RAB2A: variants seen among roughly 807,000 people sequenced by gnomAD.
RAB2A encodes ras-related protein Rab-2A.
A neutral mutation model predicts 32.5 loss-of-function variants in RAB2A; 7 were observed. The ratio of observed to expected loss-of-function variants is 0.22; its 90% CI spans 0.12 to 0.40. The LOEUF (loss-of-function observed/expected upper bound fraction) is 0.40, where lower values mean the gene tolerates loss of function less well. RAB2A is among the 10% of genes least tolerant of loss of function. The pLI, the probability that RAB2A is intolerant of heterozygous loss-of-function variation, is 1.00. For synonymous variants in RAB2A, 79 were observed against 85.2 expected, an observed-to-expected ratio of 0.93 and a Z score of 0.40; for missense variants, 108 against 260.7, an observed-to-expected ratio of 0.41 and a Z score of 4.03.
intron 1 of RAB2A, among the ~76,000 whole-genome samples, chr8:60,550,018 T>C (rs1291734247): frequency 6.6e-6 from 1 of 152,244 alleles, no homozygotes; most frequent in Non-Finnish European, 1.5e-5. Flanking sequence ...CCTCTTTACA[T>C]GTGGCTTATC....
rs903878302 is a variant in RAB2A at position 60,517,081 on chromosome 8, A to ACAG, written c.-119_-117dup. ...CACAGCCCCTCACTCCCGGCGGCTG[A>ACAG]CAGCAGCAGCGGCGGCGGCGGGCGG... On this transcript the variant is annotated 5_prime_UTR_variant, in exon 1 of 8. Coordinates refer to ENST00000262646, the MANE Select transcript of RAB2A (RefSeq NM_002865.3). The ACAG allele has an allele frequency of 1.0e-6, 1 of 998,850 alleles. No homozygotes were observed. The highest frequency in any genetic ancestry group is 1.7e-5 in the African/African-American group (1 of 58,122). The allele number at this position is 998,850 out of a possible 1,614,324, so 61.9% of individuals were successfully genotyped here. A position where few individuals can be genotyped will look rare whatever the true frequency, so the allele number is the denominator to read the frequency against.
At chr8:60,593,397 T>C (rs753904321) in intron 6 of RAB2A, among the ~76,000 whole-genome samples, 4 of 151,894 alleles carry the variant, frequency 2.6e-5, no homozygotes, top group Admixed American at 6.6e-5. Context: ...CCTAGAAAGG[T>C]CAACAGGCAC....
intron 3 of RAB2A, among the ~76,000 whole-genome samples, chr8:60,575,307 C>T (rs981441354): frequency 1.2e-4 from 18 of 151,922 alleles, no homozygotes; most frequent in Admixed American, 2.0e-4. Context: ...GTTATGTTTC[C>T]CAGGCTGGTC....
At chr8:60,581,900 G>T (rs1441094996) in intron 3 of RAB2A, among the ~76,000 whole-genome samples, 2 of 150,502 alleles carry the variant, frequency 1.3e-5, no homozygotes, top group African/African-American at 4.9e-5. Flanking sequence ...TAAAAACAAG[G>T]TATCTTCTAG....
intron 1 of RAB2A, among the ~76,000 whole-genome samples, chr8:60,526,034 T>C (rs1213437282): frequency 8.3e-6 from 1 of 121,080 alleles, no homozygotes; most frequent in Non-Finnish European, 1.7e-5. Flanking sequence ...TATATATATA[T>C]ATATATATAT....
At chr8:60,556,133 CGT>C (rs1284005379) in intron 1 of RAB2A, among the ~76,000 whole-genome samples, 4 of 152,112 alleles carry the variant, frequency 2.6e-5, no homozygotes, top group Non-Finnish European at 4.4e-5. Context: ...TGCATGTTCT[CGT>C]ATCCACAATA....
intron 6 of RAB2A, among the ~76,000 whole-genome samples, chr8:60,593,954 A>G (rs1257862070): frequency 6.6e-6 from 1 of 152,146 alleles, no homozygotes; most frequent in Non-Finnish European, 1.5e-5. Context: ...GAAATTTTAA[A>G]ACTCTTTCAA....
chr8:60,534,175 CAG>C (rs1807523381), intron 1 of RAB2A, among the ~76,000 whole-genome samples: 1 of 152,198 alleles, frequency 6.6e-6, no homozygotes, highest in Non-Finnish European at 1.5e-5. Context: ...TGGCTTATAA[CAG>C]ATTTCAGATT....
chr8:60,620,590 C>CATA, intron 7 of RAB2A, 84 bp from the exon 8 acceptor site: 1 of 987,648 alleles, frequency 1.0e-6, no homozygotes. Context: ...AAAATTGTAT[C>CATA]ATAAAGAATT....
intron 2 of RAB2A, among the ~76,000 whole-genome samples, chr8:60,561,815 G>A (rs888390550): frequency 2.2e-4 from 33 of 152,262 alleles, no homozygotes; most frequent in Non-Finnish European, 3.2e-4. Flanking sequence ...CAATCTGGGT[G>A]AGTAGTCATA....
At chr8:60,608,620 A>G (rs1292768295) in intron 6 of RAB2A, among the ~76,000 whole-genome samples, 1 of 15,204 alleles carries the variant, frequency 6.6e-5, no homozygotes, top group East Asian at 1.5e-3. Context: ...CCCCCACCCC[A>G]CCTCACTGGC....
At chr8:60,572,973 A>ATATC (rs1808218239) in intron 3 of RAB2A, among the ~76,000 whole-genome samples, 2 of 152,214 alleles carry the variant, frequency 1.3e-5, no homozygotes, top group Non-Finnish European at 2.9e-5. Context: ...GAGACTAGTG[A>ATATC]TATCTGTCTG....
chr8:60,615,865 T>C (rs1804439972), intron 6 of RAB2A, among the ~76,000 whole-genome samples: 1 of 152,178 alleles, frequency 6.6e-6, no homozygotes. Context: ...CGCAAAGGAC[T>C]CATTAAAATT....
intron 2 of RAB2A, among the ~76,000 whole-genome samples, chr8:60,562,595 T>C (rs1808040775): frequency 6.6e-6 from 1 of 152,230 alleles, no homozygotes; most frequent in Non-Finnish European, 1.5e-5. Flanking sequence ...ACATTCACTA[T>C]GCAGAGTCTC....
At chr8:60,555,822 A>G (rs1322385085) in intron 1 of RAB2A, among the ~76,000 whole-genome samples, 2 of 152,200 alleles carry the variant, frequency 1.3e-5, no homozygotes, top group Admixed American at 6.5e-5. Context: ...AAACAAAACT[A>G]CCATATGATC....
intron 1 of RAB2A, among the ~76,000 whole-genome samples, chr8:60,529,031 A>G (rs1459359575): frequency 6.6e-6 from 1 of 151,918 alleles, no homozygotes; most frequent in Non-Finnish European, 1.5e-5. Context: ...GCAATTGGCT[A>G]CTCTGAAGTT....
chr8:60,577,490 T>TGGGTG lies in RAB2A; in HGVS notation c.186+5378_186+5379insGGTGG, dbSNP rs1453949655. ...AGGTTGACTTTTTCACCACCCTTGC[T>TGGGTG]GTGTACACTAAGACAGCCTAAAAAT... On this transcript the variant is annotated intron_variant, in intron 3 of 7. Transcript: ENST00000262646. Among the ~76,000 whole-genome samples, 50 of 152,388 alleles carry TGGGTG rather than the reference T, an allele frequency of 3.3e-4. 1 individual carries two copies. Among genetic ancestry groups the TGGGTG allele is most frequent in the African/African-American group, 1.2e-3 (49 of 41,596 alleles).
At chr8:60,525,951 G>GTA (rs1807371860) in intron 1 of RAB2A, among the ~76,000 whole-genome samples, 1 of 136,304 alleles carries the variant, frequency 7.3e-6, no homozygotes, top group Non-Finnish European at 1.6e-5. Flanking sequence ...GTCTATATAT[G>GTA]TATATATGTA....
chr8:60,598,124 GGAGGCAGA>G lies in RAB2A; in HGVS notation c.474+6157_474+6164del, dbSNP rs976838654. On this transcript the variant is annotated intron_variant, in intron 6 of 7. Coordinates refer to ENST00000262646, the MANE Select transcript of RAB2A (RefSeq NM_002865.3). ...AAGGCAGGAAAATCGCTTGAACCCA[GGAGGCAGA>G]GGTTGCAGTGAGCCGAGAGGCACCA... Among the ~76,000 whole-genome samples the G allele has an allele frequency of 6.9e-4, 105 of 152,292 alleles. 1 individual carries two copies. Among genetic ancestry groups the G allele is most frequent in the African/African-American group, 2.4e-3 (100 of 41,532 alleles).
Sources: gnomAD v4.1 joint callset for allele counts (sites outside exome capture counted in the v4.1 genomes callset) on GRCh38, gnomAD v4.1.1 for gene constraint, MANE v1.5 for transcripts, NCBI Gene and HGNC (gene_info 2026-07-23, HGNC 2026-07-21) for gene names.